The following GLB1L3 variants were observed in gnomAD, a reference collection of about 807,000 sequenced individuals.
The protein encoded by GLB1L3 is beta-galactosidase-1-like protein 3.
A neutral mutation model predicts 89.5 loss-of-function variants in GLB1L3; 89 were observed. The ratio of observed to expected loss-of-function variants is 0.99; its 90% CI spans 0.84 to 1.19. GLB1L3 has a LOEUF of 1.19. Ranked by LOEUF, GLB1L3 falls within the 50% of genes most tolerant of loss-of-function variation. The pLI is 0.00. For synonymous variants in GLB1L3, 314 were observed against 312.3 expected, an observed-to-expected ratio of 1.01 and a Z score of -0.06; for missense variants, 812 against 813.3, an observed-to-expected ratio of 1.00 and a Z score of 0.02.
chr11:134,322,485 C>G (rs905983323), downstream of GLB1L3, among the ~76,000 whole-genome samples: 2 of 152,134 alleles, frequency 1.3e-5, no homozygotes, highest in African/African-American at 4.8e-5. Context: ...AGGATATATT[C>G]ACGAGATTGT....
chr11:134,297,125 T>G (rs985593056), intron 9 of GLB1L3, among the ~76,000 whole-genome samples: 1 of 152,156 alleles, frequency 6.6e-6, no homozygotes, highest in African/African-American at 2.4e-5. Flanking sequence ...TGTTGGAAGC[T>G]TGGCCGCTGT....
intron 10 of GLB1L3, among the ~76,000 whole-genome samples, chr11:134,308,503 C>CACCACCACCACCACCACCAAAT (rs1591580733): frequency 3.0e-4 from 4 of 13,556 alleles, no homozygotes; most frequent in African/African-American, 2.4e-3. Flanking sequence ...CACCAAATAC[C>CACCACCACCACCACCACCAAAT]ACCACCACCA....
chr11:134,309,248 C>A (rs981607435), intron 10 of GLB1L3, among the ~76,000 whole-genome samples: 1 of 152,098 alleles, frequency 6.6e-6, no homozygotes, highest in Non-Finnish European at 1.5e-5. Flanking sequence ...TGACAAGATT[C>A]GGTGTCCTAG....
At chr11:134,318,039 A>T (rs913560302) in intron 18 of GLB1L3, among the ~76,000 whole-genome samples, 1 of 152,122 alleles carries the variant, frequency 6.6e-6, no homozygotes, top group Non-Finnish European at 1.5e-5. Context: ...CCAATGCCTT[A>T]TGTTTTTGAT....
chr11:134,313,878 G>C, intron 16 of GLB1L3, 63 bp from the exon 17 acceptor site: 4 of 1,062,910 alleles, frequency 3.8e-6, no homozygotes, highest in Non-Finnish European at 5.7e-6. Context: ...CTTTGTCCCA[G>C]ATGCTAGAGA....
intron 9 of GLB1L3, among the ~76,000 whole-genome samples, chr11:134,296,721 C>T (rs1262356981): frequency 2.7e-5 from 4 of 148,620 alleles, no homozygotes; most frequent in African/African-American, 9.8e-5. Flanking sequence ...AGGGATAGCA[C>T]TGGGAGATAT....
chr11:134,299,275 A>C (rs1289162301), intron 9 of GLB1L3, among the ~76,000 whole-genome samples: 4 of 151,976 alleles, frequency 2.6e-5, no homozygotes, highest in Admixed American at 1.3e-4. Context: ...ATTCCTTGTG[A>C]GATAGTTACA....
chr11:134,319,758 G>A (rs550291690), downstream of GLB1L3, among the ~76,000 whole-genome samples: 13 of 149,820 alleles, frequency 8.7e-5, no homozygotes, highest in South Asian at 4.3e-4. Context: ...GCGCGCGCGC[G>A]TGCATGTGTG....
At chr11:134,284,597 C>A (rs982556371) in intron 6 of GLB1L3, among the ~76,000 whole-genome samples, 10 of 152,128 alleles carry the variant, frequency 6.6e-5, no homozygotes, top group African/African-American at 1.9e-4. Context: ...GGCATGGTGG[C>A]ACATGCCTGT....
intron 9 of GLB1L3, chr11:134,305,188 C>T (rs1162280922): frequency 7.0e-6 from 8 of 1,136,640 alleles, no homozygotes; most frequent in Non-Finnish European, 1.0e-5. Flanking sequence ...TAGTTCTTAT[C>T]TGTGATTCTT....
In GLB1L3 at chr11:134,283,585, G is replaced by A. The variant is rs138981320; in HGVS notation, c.528-152G>A. On this transcript the variant is annotated intron_variant, in intron 5 of 19. Coordinates refer to ENST00000431683, the MANE Select transcript of GLB1L3 (RefSeq NM_001080407.3). ...TGTGAGAATGGTCTGAAAGTCTCACGCGGCACAGATCTTTCCAGGACCCGA... is the reference window on the plus strand; with the variant it reads ...TGTGAGAATGGTCTGAAAGTCTCACACGGCACAGATCTTTCCAGGACCCGA... Among the ~76,000 whole-genome samples, 290 of 152,246 alleles carry A rather than the reference G, an allele frequency of 1.9e-3. 5 individuals are homozygous for A. In the South Asian group the frequency reaches 0.022, roughly 12 times the overall value.
In GLB1L3 at chr11:134,276,777, G is replaced by A; in HGVS notation, c.23+14G>A. The A allele has an allele frequency of 1.4e-6, 2 of 1,435,270 alleles. No individual in the cohort carries two copies. Among genetic ancestry groups the A allele is most frequent in the East Asian group, 3.1e-5 (1 of 32,368 alleles). 88.9% of individuals were successfully genotyped at this position (1,435,270 alleles called of 1,614,324 possible). The stretch of plus-strand genomic sequence containing the variant: ...GCCCCTCCTCAGGTGACGGATCGCC[G>A]CTGCCGTCCCGGGCTGCCCACCACC... On this transcript the variant is annotated intron_variant, in intron 1 of 19. Transcript: ENST00000431683.
At chr11:134,313,055 C>T (rs1208989766) in intron 15 of GLB1L3, among the ~76,000 whole-genome samples, 168 bp downstream of exon 15, 1 of 152,150 alleles carries the variant, frequency 6.6e-6, no homozygotes, top group Non-Finnish European at 1.5e-5. Flanking sequence ...GCCTCCCAGG[C>T]CCTGGCCCCT....
chr11:134,322,709 C>T (rs1156659710), downstream of GLB1L3, among the ~76,000 whole-genome samples: 4 of 152,172 alleles, frequency 2.6e-5, no homozygotes, highest in African/African-American at 4.8e-5. Context: ...TGTAGCTTAA[C>T]GTTTTCAAGC....
chr11:134,310,343 G>A, intron 11 of GLB1L3: 1 of 544,350 alleles, frequency 1.8e-6, no homozygotes, highest in Non-Finnish European at 3.3e-6. Flanking sequence ...AGAAAGTGAA[G>A]AAGTGGGGGC....
At chr11:134,323,259 G>A (rs1325495614), downstream of GLB1L3, among the ~76,000 whole-genome samples, 2 of 152,208 alleles carry the variant, frequency 1.3e-5, no homozygotes, top group Non-Finnish European at 2.9e-5. Flanking sequence ...GGTGGCTTAT[G>A]CCTGTAATCC....
chr11:134,314,258 A>G, intron 17 of GLB1L3, 72 bp from the exon 18 acceptor site: 1 of 1,065,612 alleles, frequency 9.4e-7, no homozygotes, highest in East Asian at 2.6e-5. Context: ...GGCCCACGCC[A>G]CCTGGGGTGG....
intron 18 of GLB1L3, 30 bp from the exon 19 acceptor site, chr11:134,318,601 T>G: frequency 7.0e-7 from 1 of 1,429,274 alleles, no homozygotes; most frequent in Non-Finnish European, 9.8e-7. Flanking sequence ...GTGAACCAAT[T>G]TCCAAATCTC....
intron 14 of GLB1L3, 70 bp downstream of exon 14, chr11:134,312,559 T>TG: frequency 6.4e-7 from 1 of 1,563,756 alleles, no homozygotes; most frequent in Non-Finnish European, 8.7e-7. Flanking sequence ...GCAGGGTAGT[T>TG]GACTGAAGGA....
Sources: allele counts gnomAD v4.1 joint callset (sites outside exome capture counted in the v4.1 genomes callset), GRCh38; gene constraint gnomAD v4.1.1; transcripts MANE v1.5; gene names NCBI Gene and HGNC (gene_info 2026-07-23, HGNC 2026-07-21).